The following PCDH11X variants were observed in gnomAD, a reference collection of about 807,000 sequenced individuals.
PCDH11X encodes protocadherin-11 X-linked.
A neutral mutation model predicts 53.3 loss-of-function variants in PCDH11X; 18 were observed. That is an observed-to-expected ratio of 0.34 (90% CI 0.23 to 0.50). PCDH11X has a LOEUF of 0.50. Among genes scored for constraint, PCDH11X ranks in the 20% least tolerant of loss-of-function variants. PCDH11X has a pLI of 0.98. For missense variants in PCDH11X, 570 were observed against 1,032.4 expected (o/e 0.55, Z 6.14); for synonymous variants, 279 against 393.3 (o/e 0.71, Z 3.44).
At chrX:92,592,662 C>T (rs1322671339) in intron 10 of PCDH11X, among the ~76,000 whole-genome samples, 9 of 111,612 alleles carry the variant, frequency 8.1e-5, no homozygotes, top group Admixed American at 3.8e-4. Context: ...ACCGGGGAAG[C>T]GGAGGTTGCA....
At chrX:92,196,867 TGAGA>T (rs936366625) in intron 6 of PCDH11X, among the ~76,000 whole-genome samples, 30 of 109,868 alleles carry the variant, frequency 2.7e-4, no homozygotes, top group Non-Finnish European at 5.7e-4. Context: ...GGAGAGAGAT[TGAGA>T]GAGAGAGAAA....
intron 8 of PCDH11X, among the ~76,000 whole-genome samples, chrX:92,298,688 T>A (rs1369531368): frequency 1.8e-5 from 2 of 111,052 alleles, no homozygotes; most frequent in Non-Finnish European, 3.8e-5. Flanking sequence ...TCCCTTTTTC[T>A]CCATATTATA....
chrX:92,368,443 C>G (rs1434889125), intron 8 of PCDH11X, among the ~76,000 whole-genome samples: 1 of 111,730 alleles, frequency 9.0e-6, no homozygotes, highest in Non-Finnish European at 1.9e-5. Flanking sequence ...TTAAAACACA[C>G]TCCTTTAACT....
chrX:91,920,542 C>T (rs928208108), intron 6 of PCDH11X, among the ~76,000 whole-genome samples: 1 of 110,857 alleles, frequency 9.0e-6, no homozygotes, highest in Non-Finnish European at 1.9e-5. Context: ...TACTCAATTT[C>T]TAGGAGTAAG....
intron 6 of PCDH11X, among the ~76,000 whole-genome samples, chrX:91,907,412 C>CACAGAG (rs756926383): frequency 0.014 from 789 of 57,396 alleles, 25 homozygotes; most frequent in Middle Eastern, 0.033. Flanking sequence ...CACACACACA[C>CACAGAG]AGAGAGAGAG....
intron 10 of PCDH11X, among the ~76,000 whole-genome samples, chrX:92,540,672 C>T (rs1292943592): frequency 9.4e-6 from 1 of 106,712 alleles, no homozygotes; most frequent in East Asian, 2.9e-4. Context: ...GCAGGTCACA[C>T]TTGAAGTCAG....
intron 9 of PCDH11X, among the ~76,000 whole-genome samples, chrX:92,439,599 A>G (rs1006538631): frequency 2.7e-5 from 3 of 110,459 alleles, no homozygotes; most frequent in African/African-American, 9.8e-5. Flanking sequence ...ATGTATAAAG[A>G]CATAAACTAT....
At chrX:91,983,321 T>A in intron 6 of PCDH11X, 2 of 1,083,010 alleles carry the variant, frequency 1.8e-6, no homozygotes, top group Middle Eastern at 6.5e-4. Context: ...AGTCCATCTG[T>A]ACTTGGTTTC....
intron 6 of PCDH11X, among the ~76,000 whole-genome samples, chrX:91,998,517 C>T (rs1397737308): frequency 3.7e-5 from 4 of 107,173 alleles, no homozygotes; most frequent in Non-Finnish European, 7.7e-5. Context: ...AAAAAATCCT[C>T]TTAGGTTGTG....
At chrX:91,961,676 G>C (rs759603983) in intron 6 of PCDH11X, among the ~76,000 whole-genome samples, 9 of 106,866 alleles carry the variant, frequency 8.4e-5, no homozygotes, top group African/African-American at 2.1e-4. Context: ...CTCTCAAAAG[G>C]AGAAATTTTA....
chrX:91,983,662 C>T (rs776676430), intron 6 of PCDH11X, among the ~76,000 whole-genome samples: 13 of 111,436 alleles, frequency 1.2e-4, no homozygotes, highest in Middle Eastern at 4.6e-3. Flanking sequence ...GAGAACAGTA[C>T]GGGAAAGACC....
Position 92,002,629 on chromosome X carries a change from C to T in PCDH11X, c.3033+123356C>T, listed in dbSNP as rs756587693. Among the ~76,000 whole-genome samples the T allele has an allele frequency of 3.2e-3, 352 of 109,561 alleles. 2 individuals are homozygous for T. Among genetic ancestry groups the T allele is most frequent in the African/African-American group, 0.011 (334 of 30,303 alleles). On this transcript the variant is annotated intron_variant, in intron 6 of 10. Transcript: ENST00000682573. ...GGCCTCTCACTTCTTTGGTTAATTACTAGGTAATTAATTTTATGTGTGGCT... is the reference window on the plus strand; with the variant it reads ...GGCCTCTCACTTCTTTGGTTAATTATTAGGTAATTAATTTTATGTGTGGCT...
chrX:92,042,679 C>A (rs764403990), intron 6 of PCDH11X, among the ~76,000 whole-genome samples: 1 of 80,543 alleles, frequency 1.2e-5, no homozygotes, highest in Non-Finnish European at 2.2e-5. Flanking sequence ...TACTCTGTTG[C>A]CCAGGCTGGA....
chrX:92,470,486 T>C (rs1317590170), intron 10 of PCDH11X, among the ~76,000 whole-genome samples: 1 of 106,140 alleles, frequency 9.4e-6, no homozygotes. Flanking sequence ...AGTACTATGT[T>C]GAATGACACT....
At position 92,435,683 on chromosome X, in the gene PCDH11X, C is replaced by T. The variant is rs760849455; in HGVS notation, c.3344-32616C>T. On this transcript the variant is annotated intron_variant, in intron 9 of 10. Transcript: ENST00000682573. ...TTCAACCAACATTTTCATATGCAGC[C>T]AAACTAAGCTTCCTAAGGGAAGGAG... Among the ~76,000 whole-genome samples the T allele has an allele frequency of 2.7e-5, 3 of 111,128 alleles. No individual in the cohort carries two copies. In the East Asian group the frequency reaches 8.5e-4, roughly 32 times the overall value.
chrX:92,362,230 C>T (rs1241571742), intron 8 of PCDH11X, among the ~76,000 whole-genome samples: 3 of 107,886 alleles, frequency 2.8e-5, no homozygotes, highest in East Asian at 5.9e-4. Context: ...TCTATTGAGG[C>T]TGTACCATTT....
In PCDH11X at chrX:91,842,985, A is replaced by C. The variant is rs1462401491; in HGVS notation, c.540+6941A>C. ...TCATTATTTTAAGCTTCTTCAATAC[A>C]ATGAAGTGAAATTCTAAAGAATGAA... On this transcript the variant is annotated intron_variant, in intron 5 of 10. Coordinates refer to ENST00000682573, the MANE Select transcript of PCDH11X (RefSeq NM_032968.5). 3.8e-5 allele frequency among the ~76,000 whole-genome samples: 4 copies of C among 106,070 alleles called. No homozygotes were observed. In the East Asian group the frequency reaches 1.2e-3, roughly 31 times the overall value. The allele number at this position is 106,070 out of a possible 115,157, so 92.1% of individuals were successfully genotyped here.
At chrX:91,809,931 T>TTATA (rs753929670) in intron 2 of PCDH11X, among the ~76,000 whole-genome samples, 2 of 110,986 alleles carry the variant, frequency 1.8e-5, no homozygotes, top group South Asian at 7.6e-4. Context: ...TCATAGCCAT[T>TTATA]TATAATACAA....
At chrX:92,450,274 A>T in intron 9 of PCDH11X, among the ~76,000 whole-genome samples, 1 of 108,811 alleles carries the variant, frequency 9.2e-6, no homozygotes, top group Non-Finnish European at 1.9e-5. Context: ...CTCTTTTAAC[A>T]GTCACAGTCA....
Sources: allele counts gnomAD v4.1 joint callset (sites outside exome capture counted in the v4.1 genomes callset), GRCh38; gene constraint gnomAD v4.1.1; transcripts MANE v1.5; gene names NCBI Gene and HGNC (gene_info 2026-07-23, HGNC 2026-07-21).